The following MYH3 variants were observed in gnomAD, a reference collection of about 807,000 sequenced individuals.
MYH3 encodes the protein myosin heavy chain 3.
Under a neutral mutation model 238.0 loss-of-function variants are expected in MYH3, and 130 were observed. The observed-to-expected ratio is 0.55, with a 90% CI of 0.47 to 0.63. The LOEUF (loss-of-function observed/expected upper bound fraction) is 0.63, where lower values mean the gene tolerates loss of function less well. Among genes scored for constraint, MYH3 ranks in the 30% least tolerant of loss-of-function variants. The pLI, the probability that MYH3 is intolerant of heterozygous loss-of-function variation, is 0.00. For missense variants in MYH3, 1,853 were observed against 2,374.9 expected (o/e 0.78, Z 4.57); for synonymous variants, 880 against 924.1 (o/e 0.95, Z 0.86).
chr17:10,632,062 G>A, intron 34 of MYH3, 46 bp from the exon 35 acceptor site: 1 of 1,593,138 alleles, frequency 6.3e-7, no homozygotes. Context: ...GAGGCGTTAG[G>A]ACCACGAGCC....
chr17:10,639,273 C>G (rs766558694), intron 24 of MYH3, 25 bp downstream of exon 24: 3 of 1,614,140 alleles, frequency 1.9e-6, no homozygotes, highest in Non-Finnish European at 2.5e-6. Flanking sequence ...AGTTCTGGGA[C>G]TCCCGATGAG....
At chr17:10,632,091 TTTG>T in intron 34 of MYH3, 75 bp from the exon 35 acceptor site, 1 of 1,437,808 alleles carries the variant, frequency 7.0e-7, no homozygotes. Flanking sequence ...ATCTCTGAGT[TTTG>T]TTTGTTTGTT....
At position 10,654,491 on chromosome 17, in the gene MYH3, T is replaced by C. The variant is rs1485843895; in HGVS notation, c.204+370A>G. On this transcript the variant is annotated intron_variant, in intron 3 of 40. Coordinates refer to ENST00000583535, the MANE Select transcript of MYH3 (RefSeq NM_002470.4). This position sits in a 1 kb window ranked among gnomAD's most constrained non-coding sequence, Gnocchi z 4.5. ...GGTTAGATGGCCATTGATAGAATAA[T>C]TTGGGACAAATCTAGGCTACCAAAG... Among the ~76,000 whole-genome samples the C allele has an allele frequency of 6.6e-6, 1 of 152,232 alleles. No individual in the cohort carries two copies. The highest frequency in any genetic ancestry group is 1.5e-5 in the Non-Finnish European group (1 of 68,044).
the MYH3 span, among the ~76,000 whole-genome samples, chr17:10,669,490 C>G: frequency 1.3e-5 from 2 of 151,060 alleles, no homozygotes; most frequent in Non-Finnish European, 2.9e-5. Context: ...TCGCTTGAAC[C>G]TGGGAGATGG....
chr17:10,665,784 T>C, the MYH3 span, among the ~76,000 whole-genome samples: 1 of 152,286 alleles, frequency 6.6e-6, no homozygotes, highest in African/African-American at 2.4e-5. Flanking sequence ...ATTTTAAATT[T>C]TGTGGATGTA....
chr17:10,675,081 T>C, the MYH3 span: 7 of 152,202 alleles, frequency 4.6e-5, no homozygotes, highest in Non-Finnish European at 8.8e-5. Context: ...CAAACTTCTT[T>C]GCCTCTCAAA....
At chr17:10,661,371 G>C (rs997375109), upstream of MYH3, among the ~76,000 whole-genome samples, 5 of 148,504 alleles carry the variant, frequency 3.4e-5, no homozygotes, top group African/African-American at 1.0e-4. Flanking sequence ...TGCTTCAAGA[G>C]ATAGCTTCAG....
In MYH3 at chr17:10,645,789, C is replaced by T; in HGVS notation, c.1059G>A (p.Leu353=). 3 of 1,613,904 alleles carry T rather than the reference C, an allele frequency of 1.9e-6. No homozygotes were observed. Among genetic ancestry groups the T allele is most frequent in the Non-Finnish European group, 1.7e-6 (2 of 1,180,010 alleles). ...TCCCGTAGTGCATCACGGCTCCCGT[C>T]AGCTTGTAGAGCCCAGATTTCTCTT... The part of the protein sequence containing the change: ...TPEEKSGLYK[L]TGAVMHYGNM... The change falls in exon 12 of 41, where the codon CTG becomes CTA. Residue 353 remains leucine (L), a synonymous_variant. Transcript: ENST00000583535.
chr17:10,648,508 ATTT>A, intron 8 of MYH3, 46 bp downstream of exon 8: 1 of 1,509,678 alleles, frequency 6.6e-7, no homozygotes, highest in Non-Finnish European at 9.2e-7. Context: ...GCTCTTGCCT[ATTT>A]TGTGAGGCAC....
rs2074385412 is a variant in MYH3, at chr17:10,652,425, T to A, written c.343A>T (p.Ile115Phe). Residue 115 changes from isoleucine to phenylalanine, a missense_variant, in exon 4 of 41, where the codon ATC becomes TTC. Physicochemically the swap from Ile to Phe is conservative, Grantham distance 21. Transcript: ENST00000583535. ...CGTCGAAAGCCCTCGCTGACATAGA[T>A]CATCCAAGATGTGTAACGGTCCTTC... Reference protein sequence around the residue: ...NLKDRYTSWMIYTYSGLFCVT... With the variant: ...NLKDRYTSWMFYTYSGLFCVT... 7 of 1,613,942 alleles carry A rather than the reference T, an allele frequency of 4.3e-6. No individual in the cohort carries two copies. The highest frequency in any genetic ancestry group is 5.9e-6 in the Non-Finnish European group (7 of 1,179,988).
chr17:10,671,251 C>A, the MYH3 span, among the ~76,000 whole-genome samples: 3 of 152,132 alleles, frequency 2.0e-5, no homozygotes, highest in African/African-American at 7.2e-5. Context: ...CCATTATTTA[C>A]TATTTCCATG....
Position 10,652,497 on chromosome 17 carries a change from T to C in MYH3, c.271A>G (p.Met91Val), listed in dbSNP as rs79952473. The C allele has an allele frequency of 4.2e-5, 67 of 1,613,696 alleles. No individual in the cohort carries two copies. Among genetic ancestry groups the C allele is most frequent in the Admixed American group, 5.0e-5 (3 of 59,978 alleles). ...NPPKFDRIED[M>V]AMLTHLNEPA... ...TCATTCAGGTGCGTCAGCATGGCCA[T>C]GTCTTCGATCCTGTCGAACTTGGGG... The change falls in exon 4 of 41, where the codon ATG (methionine) becomes GTG (valine). Residue 91 changes from methionine to valine, a missense_variant. By Grantham distance (21) the Met-to-Val change is conservative. This residue lies in a region of MYH3 where 131 missense variants were observed against 123.5 expected (regional missense o/e 1.06). Coordinates refer to ENST00000583535, the MANE Select transcript of MYH3 (RefSeq NM_002470.4).
Position 10,639,101 on chromosome 17 carries a change from T to C in MYH3, c.3191A>G (p.Gln1064Arg). The change falls in exon 25 of 41, where the codon CAA (glutamine) becomes CGA (arginine). Residue 1064 changes from glutamine (Q) to arginine (R), a missense_variant. By Grantham distance (43) the Gln-to-Arg change is conservative. Around this residue, in one of 3 missense-constraint regions of MYH3, gnomAD observed 1,044 missense variants for 1,192.6 expected, o/e 0.88. Transcript: ENST00000583535. The part of the protein sequence containing the change: ...RKLEGDLKLA[Q>R]ESILDLENDK... ...ATTCTCCAGATCTAATATGGACTCT[T>C]GAGCAAGCTTCAAGTCTCCTTCCAA... is the stretch of plus-strand genomic sequence containing the variant. The C allele has an allele frequency of 6.2e-7, 1 of 1,614,212 alleles. No homozygotes were observed. The highest frequency in any genetic ancestry group is 8.5e-7 in the Non-Finnish European group (1 of 1,180,022).
chr17:10,630,160 T>C lies in MYH3; in HGVS notation c.5494A>G (p.Lys1832Glu), dbSNP rs764734875. The stretch of plus-strand genomic sequence containing the variant: ...CCCTTAACAGACTCTGTGTTCTTCT[T>C]CTGCTCTCCCTCAAGTTCAAACTCC... ...ELEFELEGEQ[K>E]KNTESVKGLR... is the part of the protein sequence containing the mutation. Residue 1832 changes from lysine (K) to glutamate (E), a missense_variant, in exon 38 of 41, where the codon AAG (lysine) becomes GAG (glutamate). Transcript: ENST00000583535. 84 of 1,614,044 alleles carry C rather than the reference T, an allele frequency of 5.2e-5. 2 individuals are homozygous for C. In the South Asian group the frequency reaches 8.2e-4, roughly 16 times the overall value.
chr17:10,638,263 G>A lies in MYH3; in HGVS notation c.3509C>T (p.Ala1170Val), dbSNP rs373367650. ...TQIELNKKRE[A>V]EFLKLRRDLE... Reference sequence around the variant, plus strand: ...GTCCCTGCGCAGCTTCAGGAACTCCGCCTCCCGCTTCTTGTTGAGCTCTAT... The same window carrying A: ...GTCCCTGCGCAGCTTCAGGAACTCCACCTCCCGCTTCTTGTTGAGCTCTAT... Residue 1170 changes from alanine to valine, a missense_variant, in exon 27 of 41, where the codon GCG becomes GTG. Ala to Val is a moderately conservative substitution (Grantham distance 64). Around this residue, in one of 3 missense-constraint regions of MYH3, gnomAD observed 1,044 missense variants for 1,192.6 expected, o/e 0.88. Transcript: ENST00000583535. 54 of 1,613,684 alleles carry A rather than the reference G, an allele frequency of 3.3e-5. No individual in the cohort carries two copies. The highest frequency in any genetic ancestry group is 2.3e-4 in the Admixed American group (14 of 59,960).
In MYH3 at chr17:10,637,875, T is replaced by A. The variant is rs932806360; in HGVS notation, c.3790A>T (p.Asn1264Tyr). ...EDQLSEARGKNEEIQRSLSEL... is the reference protein window; with the variant it reads ...EDQLSEARGKYEEIQRSLSEL... ...CTCAGGCTCCTCTGAATTTCCTCAT[T>A]CTTGCCCCTGGCCTCACTTAACTGA... is the stretch of plus-strand genomic sequence containing the variant. The change falls in exon 28 of 41, where the codon AAT (asparagine) becomes TAT (tyrosine). Residue 1264 changes from asparagine (N) to tyrosine (Y), a missense_variant. Around this residue, in one of 3 missense-constraint regions of MYH3, gnomAD observed 1,044 missense variants for 1,192.6 expected, o/e 0.88. Coordinates refer to ENST00000583535, the MANE Select transcript of MYH3 (RefSeq NM_002470.4). The A allele has an allele frequency of 6.2e-7, 1 of 1,614,086 alleles. No homozygotes were observed. Among genetic ancestry groups the A allele is most frequent in the African/African-American group, 1.3e-5 (1 of 75,014 alleles).
the MYH3 span, among the ~76,000 whole-genome samples, chr17:10,664,062 T>TAAA: frequency 1.1e-4 from 7 of 63,330 alleles, no homozygotes; most frequent in South Asian, 6.2e-4. Flanking sequence ...GACTCCGTCT[T>TAAA]AAAAAAAAAA....
In MYH3 at chr17:10,630,268, G is replaced by C; in HGVS notation, c.5457+20C>G. On this transcript the variant is annotated intron_variant, in intron 37 of 40. Coordinates refer to ENST00000583535, the MANE Select transcript of MYH3 (RefSeq NM_002470.4). ...GGAGGCTGGAAAGCTCAGCGCAGGC[G>C]GGGTTCCTCCTGCACACACCCTGGT... 1 of 1,554,442 alleles carries C rather than the reference G, an allele frequency of 6.4e-7. No individual in the cohort carries two copies. The highest frequency in any genetic ancestry group is 2.3e-5 in the East Asian group (1 of 43,402).
At chr17:10,661,659 G>A (rs867015420), upstream of MYH3, among the ~76,000 whole-genome samples, 5 of 152,170 alleles carry the variant, frequency 3.3e-5, no homozygotes, top group African/African-American at 1.2e-4. Flanking sequence ...TTCCTGCCCA[G>A]CTATTTTCTC....
Sources: gnomAD v4.1 joint callset for allele counts (sites outside exome capture counted in the v4.1 genomes callset) on GRCh38, gnomAD v4.1.1 for gene constraint, gnomAD v4.1.1 regional missense constraint, Gnocchi (gnomAD v3.1) non-coding constraint, MANE v1.5 for transcripts, NCBI Gene and HGNC (gene_info 2026-07-23, HGNC 2026-07-21) for gene names.